SLC1A3: variants seen among roughly 807,000 people sequenced by gnomAD.
SLC1A3 encodes solute carrier family 1 member 3.
A neutral mutation model predicts 48.1 loss-of-function variants in SLC1A3; 21 were observed. The ratio of observed to expected loss-of-function variants is 0.44; its 90% CI spans 0.31 to 0.63. The LOEUF is 0.63. SLC1A3 is among the 20% of genes least tolerant of loss of function. The pLI, the probability that SLC1A3 is intolerant of heterozygous loss-of-function variation, is 0.08. For missense variants in SLC1A3, 546 were observed against 689.0 expected (o/e 0.79, Z 2.32); for synonymous variants, 239 against 251.4 (o/e 0.95, Z 0.47).
chr5:36,614,557 G>C (rs573577307), intron 2 of SLC1A3, among the ~76,000 whole-genome samples: 1 of 152,282 alleles, frequency 6.6e-6, no homozygotes, highest in East Asian at 1.9e-4. Flanking sequence ...TAATCCCCAG[G>C]CAGCCGTTAT....
chr5:36,613,742 C>T (rs1247472555), intron 2 of SLC1A3, among the ~76,000 whole-genome samples: 1 of 152,190 alleles, frequency 6.6e-6, no homozygotes, highest in Non-Finnish European at 1.5e-5. Context: ...GTTACCAGAG[C>T]TCAGCTGTGC....
intron 2 of SLC1A3, among the ~76,000 whole-genome samples, chr5:36,622,243 G>A (rs925388617): frequency 6.6e-6 from 1 of 152,174 alleles, no homozygotes; most frequent in African/African-American, 2.4e-5. Context: ...CTCAGAATGC[G>A]AGGTCTTTCT....
intron 3 of SLC1A3, among the ~76,000 whole-genome samples, chr5:36,643,671 CT>C (rs1740710156): frequency 6.6e-6 from 1 of 152,154 alleles, no homozygotes; most frequent in Non-Finnish European, 1.5e-5. Flanking sequence ...AACACCTGCT[CT>C]AAATAAGCAC....
chr5:36,638,604 T>C (rs1740485745), intron 3 of SLC1A3, among the ~76,000 whole-genome samples: 1 of 152,148 alleles, frequency 6.6e-6, no homozygotes, highest in African/African-American at 2.4e-5. Context: ...CCATGTTTGA[T>C]GTATTTTTGT....
intron 3 of SLC1A3, among the ~76,000 whole-genome samples, chr5:36,631,144 C>T (rs1740117886): frequency 6.6e-6 from 1 of 152,194 alleles, no homozygotes; most frequent in Admixed American, 6.6e-5. Flanking sequence ...TGCAGTTTTC[C>T]TATACACAAA....
intron 3 of SLC1A3, among the ~76,000 whole-genome samples, chr5:36,640,203 C>T (rs1175860829): frequency 2.6e-5 from 4 of 152,174 alleles, no homozygotes; most frequent in Non-Finnish European, 4.4e-5. Context: ...TGCTGAAGGA[C>T]GGATTTACCT....
intron 2 of SLC1A3, among the ~76,000 whole-genome samples, chr5:36,618,260 C>T (rs2111706797): frequency 6.6e-6 from 1 of 152,330 alleles, no homozygotes; most frequent in Non-Finnish European, 1.5e-5. Context: ...TACCATCTAT[C>T]ATCTTCACAA....
intron 2 of SLC1A3, among the ~76,000 whole-genome samples, chr5:36,614,215 T>C (rs1561239807): frequency 6.6e-6 from 1 of 152,240 alleles, no homozygotes; most frequent in African/African-American, 2.4e-5. Flanking sequence ...GCTTGCCAGG[T>C]AAAGTGTCCA....
chr5:36,680,251 T>TC (rs1453080343), intron 7 of SLC1A3, 144 bp from the exon 8 acceptor site: 1 of 744,182 alleles, frequency 1.3e-6, no homozygotes, highest in African/African-American at 1.7e-5. Flanking sequence ...CTTAACCTGC[T>TC]CCCCTATTTA....
chr5:36,617,182 A>G (rs1198097456), intron 2 of SLC1A3, among the ~76,000 whole-genome samples: 2 of 152,208 alleles, frequency 1.3e-5, no homozygotes, highest in Non-Finnish European at 1.5e-5. Flanking sequence ...AAAAAAAAGA[A>G]AGCGGTTTGG....
At chr5:36,656,859 G>A (rs1392017129) in intron 3 of SLC1A3, among the ~76,000 whole-genome samples, 1 of 152,172 alleles carries the variant, frequency 6.6e-6, no homozygotes, top group Non-Finnish European at 1.5e-5. Context: ...TTCAAGGGCT[G>A]TGACCTGGAA....
intron 2 of SLC1A3, among the ~76,000 whole-genome samples, chr5:36,620,932 GTCTC>G (rs969525415): frequency 7.3e-5 from 11 of 151,164 alleles, no homozygotes; most frequent in Admixed American, 4.6e-4. Context: ...TTTAGGCAGG[GTCTC>G]TCTCTGTCAC....
chr5:36,622,286 T>G (rs1394531694), intron 2 of SLC1A3, among the ~76,000 whole-genome samples: 1 of 152,260 alleles, frequency 6.6e-6, no homozygotes, highest in Non-Finnish European at 1.5e-5. Context: ...CTTTGAGATT[T>G]CCTTTTGACA....
chr5:36,623,741 G>A (rs901341209), intron 2 of SLC1A3, among the ~76,000 whole-genome samples: 1 of 151,654 alleles, frequency 6.6e-6, no homozygotes, highest in Non-Finnish European at 1.5e-5. Flanking sequence ...GCGCATGCCT[G>A]TAATCCCAGC....
chr5:36,684,269 C>T (rs1470583838), intron 9 of SLC1A3, among the ~76,000 whole-genome samples: 4 of 152,236 alleles, frequency 2.6e-5, no homozygotes, highest in Non-Finnish European at 4.4e-5. Flanking sequence ...TTGGGAAACC[C>T]GCTGTCTGCA....
chr5:36,661,942 A>T (rs1280751945), intron 3 of SLC1A3, among the ~76,000 whole-genome samples: 1 of 152,220 alleles, frequency 6.6e-6, no homozygotes, highest in Non-Finnish European at 1.5e-5. Context: ...TATCTCGATC[A>T]TCTTCCCAAG....
In SLC1A3 at chr5:36,680,583, C is replaced by T. The variant is rs763237927; in HGVS notation, c.1283C>T (p.Thr428Ile). The T allele has an allele frequency of 3.1e-6, 5 of 1,613,018 alleles. No individual in the cohort carries two copies. The East Asian group carries it at 6.7e-5, about 22-fold the overall frequency. The part of the protein sequence containing the change: ...NFELNFGQII[T>I]ISITATAASI... ...GAACTGAACTTCGGACAAATTATTACAATCAGGTACAAGGAAAGAGTTCTA... is the reference window on the plus strand; with the variant it reads ...GAACTGAACTTCGGACAAATTATTATAATCAGGTACAAGGAAAGAGTTCTA... Residue 428 changes from threonine (T) to isoleucine (I), a missense_variant, in exon 8 of 10, where the codon ACA becomes ATA. This residue lies in a region of SLC1A3 where 142 missense variants were observed against 238.0 expected (regional missense o/e 0.60). Transcript: ENST00000265113.
chr5:36,679,874 T>TG lies in SLC1A3; in HGVS notation c.1094+15dup. On this transcript the variant is annotated intron_variant, in intron 7 of 9. Transcript: ENST00000265113. ...GACCTCTTCAAGGTATGTATGTATG[T>TG]GTGGAAAATGAGTCTGAAATGTTAC... The TG allele has an allele frequency of 6.4e-7, 1 of 1,571,144 alleles. No individual in the cohort carries two copies. Among genetic ancestry groups the TG allele is most frequent in the Non-Finnish European group, 8.8e-7 (1 of 1,141,050 alleles).
intron 3 of SLC1A3, among the ~76,000 whole-genome samples, chr5:36,640,456 G>A (rs1740570931): frequency 6.6e-6 from 1 of 152,210 alleles, no homozygotes; most frequent in African/African-American, 2.4e-5. Context: ...CTCATATGGG[G>A]ATATAGGCTT....
Sources: allele counts gnomAD v4.1 joint callset (sites outside exome capture counted in the v4.1 genomes callset), GRCh38; gene constraint gnomAD v4.1.1; regional missense constraint gnomAD v4.1.1; transcripts MANE v1.5; gene names NCBI Gene and HGNC (gene_info 2026-07-23, HGNC 2026-07-21).